The following SCYL3 variants were observed in gnomAD, a reference collection of about 807,000 sequenced individuals.
The protein encoded by SCYL3 is SCY1 like pseudokinase 3.
In SCYL3, 35 loss-of-function variants were observed where a neutral mutation model predicts 73.8. That is an observed-to-expected ratio of 0.47 (90% CI 0.36 to 0.63). The LOEUF (loss-of-function observed/expected upper bound fraction) is 0.63, where lower values mean the gene tolerates loss of function less well. Ranked by LOEUF, SCYL3 falls within the 20% of genes least tolerant of loss-of-function variation. The pLI, the probability that SCYL3 is intolerant of heterozygous loss-of-function variation, is 0.00. For missense variants in SCYL3, 712 were observed against 798.9 expected, an observed-to-expected ratio of 0.89 and a Z score of 1.31; for synonymous variants, 277 against 295.2, an observed-to-expected ratio of 0.94 and a Z score of 0.63.
At chr1:169,875,260 T>C (rs1660711374) in intron 4 of SCYL3, among the ~76,000 whole-genome samples, 1 of 152,220 alleles carries the variant, frequency 6.6e-6, no homozygotes, top group East Asian at 1.9e-4. Flanking sequence ...TGAGCCACCA[T>C]TTCCGTAGGG....
At chr1:169,871,859 G>A (rs1660429717) in intron 5 of SCYL3, among the ~76,000 whole-genome samples, 1 of 152,172 alleles carries the variant, frequency 6.6e-6, no homozygotes, top group Non-Finnish European at 1.5e-5. Flanking sequence ...ACTTAAGAGA[G>A]GATTTAGGGT....
At chr1:169,883,227 A>G (rs889913526) in intron 2 of SCYL3, among the ~76,000 whole-genome samples, 1 of 152,114 alleles carries the variant, frequency 6.6e-6, no homozygotes, top group Non-Finnish European at 1.5e-5. Context: ...GAGACCAAGA[A>G]CCCACCAATT....
chr1:169,866,069 G>A (rs6656965), intron 8 of SCYL3, among the ~76,000 whole-genome samples: 2 of 151,546 alleles, frequency 1.3e-5, no homozygotes, highest in Non-Finnish European at 2.9e-5. Context: ...TCTGTTCAAC[G>A]GTCCATGTAT....
chr1:169,858,385 G>A (rs972360869), intron 11 of SCYL3, among the ~76,000 whole-genome samples: 1 of 152,084 alleles, frequency 6.6e-6, no homozygotes, highest in Non-Finnish European at 1.5e-5. Context: ...AGCTTATTCC[G>A]CTGGAAGGTC....
chr1:169,870,199 G>A (rs1334021011), intron 6 of SCYL3, 56 bp downstream of exon 6: 17 of 1,270,696 alleles, frequency 1.3e-5, no homozygotes, highest in Middle Eastern at 1.9e-4. Flanking sequence ...CACAGAATAC[G>A]TCATGGATGA....
At position 169,884,024 on chromosome 1, in the gene SCYL3, A is replaced by G. The variant is rs189065290; in HGVS notation, c.165+4652T>C. Among the ~76,000 whole-genome samples the G allele has an allele frequency of 4.6e-3, 703 of 151,916 alleles. 9 individuals carry two copies. The highest frequency in any genetic ancestry group is 0.016 in the African/African-American group (681 of 41,436). On this transcript the variant is annotated intron_variant, in intron 2 of 12. Transcript: ENST00000367771. ...TGTGAGCCACTGTGCCCAGCCTCCAATTTCTTTTATTTTCTTATAATAATC... is the reference window on the plus strand; with the variant it reads ...TGTGAGCCACTGTGCCCAGCCTCCAGTTTCTTTTATTTTCTTATAATAATC...
intron 3 of SCYL3, among the ~76,000 whole-genome samples, chr1:169,878,146 G>C (rs972547588): frequency 6.6e-6 from 1 of 152,184 alleles, no homozygotes; most frequent in Non-Finnish European, 1.5e-5. Context: ...TTAAGAGGCT[G>C]TCTCTCAATT....
rs909329076 is a variant in SCYL3, at chr1:169,852,438, A to C, written c.*1275T>G. On this transcript the variant is annotated 3_prime_UTR_variant, in exon 13 of 13. Transcript: ENST00000367771. ...GTAATTCATGAAGAACAACATTCTG[A>C]TAAGTTTTAGTCAAACTCTCATAAA... The C allele has an allele frequency of 3.6e-6, 1 of 280,244 alleles. No individual in the cohort carries two copies. The highest frequency in any genetic ancestry group is 2.2e-5 in the African/African-American group (1 of 45,012). 17.4% of individuals were successfully genotyped at this position (280,244 alleles called of 1,614,324 possible). A position where few individuals can be genotyped will look rare whatever the true frequency, so the allele number is the denominator to read the frequency against.
chr1:169,891,636 G>C (rs1254053682), intron 1 of SCYL3, among the ~76,000 whole-genome samples: 1 of 152,178 alleles, frequency 6.6e-6, no homozygotes, highest in African/African-American at 2.4e-5. Flanking sequence ...CAGAGAATAA[G>C]GGACTGTATA....
chr1:169,893,053 G>C (rs1662194356), intron 1 of SCYL3, among the ~76,000 whole-genome samples: 1 of 152,102 alleles, frequency 6.6e-6, no homozygotes, highest in Non-Finnish European at 1.5e-5. Context: ...TAGCTGACAA[G>C]CAATACACAA....
intron 2 of SCYL3, among the ~76,000 whole-genome samples, chr1:169,881,757 CCA>C (rs1661278636): frequency 6.6e-6 from 1 of 152,166 alleles, no homozygotes. Flanking sequence ...ACACCAGGGA[CCA>C]GTTTCATGAA....
intron 3 of SCYL3, among the ~76,000 whole-genome samples, chr1:169,878,287 T>C (rs1257879603): frequency 2.0e-5 from 3 of 152,378 alleles, no homozygotes; most frequent in South Asian, 4.1e-4. Context: ...CTTTGGTCTA[T>C]GGCAGCACTG....
rs1427416854 is a variant in SCYL3 at position 169,859,043 on chromosome 1, T to C, written c.1310A>G (p.Glu437Gly). ...TTAGACCTTTTAATAATTCTTACCT[T>C]CTAGAGAAAGGTCAGTATTTTTAGT... is the stretch of plus-strand genomic sequence containing the variant. ...SFTKNTDLSL[E>G]GDPFSQPIKF... The change falls in exon 11 of 13, where the codon GAA (glutamate) becomes GGA (glycine). Residue 437 changes from glutamate to glycine, a missense_variant and splice_region_variant. Transcript: ENST00000367771. 1.2e-6 allele frequency: 2 copies of C among 1,612,228 alleles called. No individual in the cohort carries two copies. Among genetic ancestry groups the C allele is most frequent in the Non-Finnish European group, 1.7e-6 (2 of 1,179,444 alleles).
rs141861212 is a variant in SCYL3 at position 169,886,095 on chromosome 1, G to A, written c.165+2581C>T. Among the ~76,000 whole-genome samples the A allele has an allele frequency of 5.9e-3, 898 of 152,286 alleles. 7 individuals are homozygous for A. The highest frequency in any genetic ancestry group is 0.021 in the African/African-American group (862 of 41,556). ...TGAGAGGCTGAGGAAGGCGGATCAC[G>A]AGGTCGAGAGGTAGAGGCTATCCTG... On this transcript the variant is annotated intron_variant, in intron 2 of 12. Coordinates refer to ENST00000367771, the MANE Select transcript of SCYL3 (RefSeq NM_020423.7).
chr1:169,874,881 C>G (rs944769118), intron 4 of SCYL3, among the ~76,000 whole-genome samples: 2 of 152,092 alleles, frequency 1.3e-5, no homozygotes, highest in African/African-American at 4.8e-5. Flanking sequence ...AAGCCGAGAT[C>G]GCACCACTGC....
Position 169,853,002 on chromosome 1 carries a change from C to A in SCYL3, c.*711G>T, listed in dbSNP as rs1371150193. Reference sequence around the variant, plus strand: ...CTCTAGGGTGAAACTTATCACTAGGCAGAACTGGGTTTGATGCTTTGTCAA... The same window carrying A: ...CTCTAGGGTGAAACTTATCACTAGGAAGAACTGGGTTTGATGCTTTGTCAA... On this transcript the variant is annotated 3_prime_UTR_variant, in exon 13 of 13. Coordinates refer to ENST00000367771, the MANE Select transcript of SCYL3 (RefSeq NM_020423.7). The A allele has an allele frequency of 6.2e-7, 1 of 1,612,232 alleles. No homozygotes were observed. The highest frequency in any genetic ancestry group is 8.5e-7 in the Non-Finnish European group (1 of 1,178,348).
chr1:169,887,876 T>C (rs3766153), intron 2 of SCYL3, among the ~76,000 whole-genome samples: 5,020 of 152,258 alleles, frequency 0.033, 251 homozygotes, highest in East Asian at 0.22. Context: ...TAGAGTCCTA[T>C]GAAACAGACA....
intron 9 of SCYL3, 80 bp downstream of exon 9, chr1:169,864,288 CA>C: frequency 1.3e-6 from 2 of 1,555,546 alleles, no homozygotes; most frequent in Non-Finnish European, 1.8e-6. Flanking sequence ...CTACACCACA[CA>C]GTAATCTCAT....
chr1:169,873,120 C>T (rs1660538405), intron 5 of SCYL3, among the ~76,000 whole-genome samples: 1 of 152,124 alleles, frequency 6.6e-6, no homozygotes, highest in African/African-American at 2.4e-5. Flanking sequence ...TTGTAACTCC[C>T]ACAATTCCCA....
Sources: allele counts gnomAD v4.1 joint callset (sites outside exome capture counted in the v4.1 genomes callset), GRCh38; gene constraint gnomAD v4.1.1; transcripts MANE v1.5; gene names NCBI Gene and HGNC (gene_info 2026-07-23, HGNC 2026-07-21).